MAP3K1: variants seen among roughly 807,000 people sequenced by gnomAD.
MAP3K1 encodes mitogen-activated protein kinase kinase kinase 1, also known as MAP/ERK kinase kinase 1.
Under a neutral mutation model 144.2 loss-of-function variants are expected in MAP3K1, and 36 were observed. That is an observed-to-expected ratio of 0.25 (90% CI 0.19 to 0.33). MAP3K1 has a LOEUF of 0.33. Among genes scored for constraint, MAP3K1 ranks in the 10% least tolerant of loss-of-function variants. The pLI, the probability that MAP3K1 is intolerant of heterozygous loss-of-function variation, is 1.00. For missense variants in MAP3K1, 1,650 were observed against 1,881.9 expected, an observed-to-expected ratio of 0.88 and a Z score of 2.28; for synonymous variants, 718 against 688.7, an observed-to-expected ratio of 1.04 and a Z score of -0.67.
chr5:56,833,946 C>T (rs1342444464), intron 1 of MAP3K1, among the ~76,000 whole-genome samples: 1 of 152,068 alleles, frequency 6.6e-6, no homozygotes, highest in Non-Finnish European at 1.5e-5. Flanking sequence ...CAGCAGGCAC[C>T]TTCTTTGATA....
chr5:56,890,826 A>T (rs1748526337), intron 19 of MAP3K1, among the ~76,000 whole-genome samples: 1 of 151,854 alleles, frequency 6.6e-6, no homozygotes, highest in African/African-American at 2.4e-5. Flanking sequence ...GCAAGAACAA[A>T]ACTTGAACCC....
chr5:56,829,349 A>ATTT (rs70999027), intron 1 of MAP3K1, among the ~76,000 whole-genome samples: 42 of 130,328 alleles, frequency 3.2e-4, no homozygotes, highest in Middle Eastern at 4.1e-3. Context: ...TGCCCGGCAA[A>ATTT]TTTTTTTTTT....
intron 1 of MAP3K1, among the ~76,000 whole-genome samples, chr5:56,817,595 T>G (rs1290021136): frequency 1.3e-5 from 2 of 152,236 alleles, no homozygotes; most frequent in Non-Finnish European, 2.9e-5. Context: ...ATGTAATTTA[T>G]TCTTACAAGA....
chr5:56,836,651 T>G (rs1252577269), intron 1 of MAP3K1, among the ~76,000 whole-genome samples: 1 of 152,146 alleles, frequency 6.6e-6, no homozygotes, highest in Non-Finnish European at 1.5e-5. Flanking sequence ...CTAAACAGTT[T>G]ATTGAAGTTT....
At chr5:56,866,256 A>G (rs543599772) in intron 6 of MAP3K1, among the ~76,000 whole-genome samples, 10 of 152,110 alleles carry the variant, frequency 6.6e-5, no homozygotes, top group Non-Finnish European at 1.0e-4. Context: ...CTACAGAAGT[A>G]AAATAATTAG....
intron 1 of MAP3K1, among the ~76,000 whole-genome samples, chr5:56,845,811 C>T (rs1359295465): frequency 6.6e-6 from 1 of 152,092 alleles, no homozygotes; most frequent in Non-Finnish European, 1.5e-5. Context: ...CGCAGAATGT[C>T]AAAAGAATAC....
intron 14 of MAP3K1, 65 bp from the exon 15 acceptor site, chr5:56,883,462 G>A (rs1451669973): frequency 2.0e-6 from 3 of 1,477,806 alleles, no homozygotes; most frequent in Non-Finnish European, 2.8e-6. Context: ...ATAATATCTT[G>A]CAGACTAATT....
chr5:56,872,445 T>C (rs1258309034), intron 7 of MAP3K1, among the ~76,000 whole-genome samples, 196 bp from the exon 8 acceptor site: 1 of 152,202 alleles, frequency 6.6e-6, no homozygotes, highest in African/African-American at 2.4e-5. Context: ...AGAGTACATG[T>C]TATCAGAATG....
chr5:56,845,658 C>T (rs1389427942), intron 1 of MAP3K1, among the ~76,000 whole-genome samples: 1 of 152,042 alleles, frequency 6.6e-6, no homozygotes, highest in Non-Finnish European at 1.5e-5. Flanking sequence ...TTTTTAAAAA[C>T]ATCCTTCTTA....
At chr5:56,828,012 A>G (rs1463556219) in intron 1 of MAP3K1, among the ~76,000 whole-genome samples, 2 of 152,102 alleles carry the variant, frequency 1.3e-5, no homozygotes, top group African/African-American at 2.4e-5. Context: ...CCAGAAAAGT[A>G]TTCAGTTAAT....
intron 1 of MAP3K1, among the ~76,000 whole-genome samples, chr5:56,838,597 TTAA>T (rs536171140): frequency 5.7e-4 from 87 of 152,222 alleles, no homozygotes; most frequent in Non-Finnish European, 9.8e-4. Flanking sequence ...ATCTTTGGTA[TTAA>T]TGATTGCCTG....
At chr5:56,852,283 A>G (rs959733253) in intron 1 of MAP3K1, among the ~76,000 whole-genome samples, 1 of 152,218 alleles carries the variant, frequency 6.6e-6, no homozygotes, top group African/African-American at 2.4e-5. Context: ...GGAGAGACCT[A>G]CAAGAGAGTT....
At position 56,865,392 on chromosome 5, in the gene MAP3K1, T is replaced by C. The variant is rs1461460043; in HGVS notation, c.1088T>C (p.Leu363Pro). 1 of 1,613,212 alleles carries C rather than the reference T, an allele frequency of 6.2e-7. No homozygotes were observed. The highest frequency in any genetic ancestry group is 1.3e-5 in the African/African-American group (1 of 75,032). Residue 363 changes from leucine (L) to proline (P), a missense_variant, in exon 5 of 20, where the codon CTC becomes CCC. Transcript: ENST00000399503. ...TGTATTCATCTGCTATTTGTGATGC[T>C]CCGGGTGTTTCAACTAGAACCTTCA... ...TFCIHLLFVM[L>P]RVFQLEPSDP...
intron 1 of MAP3K1, among the ~76,000 whole-genome samples, chr5:56,829,141 A>C (rs562208585): frequency 1.3e-5 from 2 of 151,892 alleles, no homozygotes; most frequent in Non-Finnish European, 2.9e-5. Flanking sequence ...AATCGTATTC[A>C]CAGAAACCAC....
At chr5:56,872,104 G>A (rs1179955947) in intron 7 of MAP3K1, 73 bp downstream of exon 7, 5 of 1,584,728 alleles carry the variant, frequency 3.2e-6, no homozygotes, top group East Asian at 2.2e-5. Context: ...ATTTAAGAGT[G>A]TAACATGGCT....
chr5:56,852,423 A>G (rs933360103), intron 1 of MAP3K1, among the ~76,000 whole-genome samples: 14 of 152,214 alleles, frequency 9.2e-5, no homozygotes, highest in African/African-American at 2.9e-4. Flanking sequence ...GTCTAGCACT[A>G]GAAACCTAAC....
At chr5:56,850,047 G>A (rs1747120447) in intron 1 of MAP3K1, among the ~76,000 whole-genome samples, 1 of 152,188 alleles carries the variant, frequency 6.6e-6, no homozygotes. Flanking sequence ...GGAAGGAATT[G>A]TCAGCCTTTC....
intron 19 of MAP3K1, among the ~76,000 whole-genome samples, chr5:56,891,370 A>G (rs568492082): frequency 3.2e-4 from 48 of 152,280 alleles, no homozygotes; most frequent in African/African-American, 1.1e-3. Flanking sequence ...TTACTGGGGT[A>G]GGGAAAAGAG....
At chr5:56,858,719 A>C (rs1047398215) in intron 2 of MAP3K1, among the ~76,000 whole-genome samples, 1 of 152,202 alleles carries the variant, frequency 6.6e-6, no homozygotes, top group Non-Finnish European at 1.5e-5. Context: ...TGGGATGGGC[A>C]GAAGAGCAAT....
Sources: allele counts gnomAD v4.1 joint callset (sites outside exome capture counted in the v4.1 genomes callset), GRCh38; gene constraint gnomAD v4.1.1; transcripts MANE v1.5; gene names NCBI Gene and HGNC (gene_info 2026-07-23, HGNC 2026-07-21).